ADGRV1: variants seen among roughly 807,000 people sequenced by gnomAD.
ADGRV1 encodes the protein G-protein coupled receptor 98.
In ADGRV1, 359 loss-of-function variants were observed where a neutral mutation model predicts 596.2. The observed-to-expected ratio is 0.60, with a 90% CI of 0.55 to 0.66. The LOEUF is 0.66. ADGRV1 is among the 30% of genes least tolerant of loss of function. ADGRV1 has a pLI of 0.00. For missense variants in ADGRV1, 7,274 were observed against 7,575.6 expected, an observed-to-expected ratio of 0.96 and a Z score of 1.48; for synonymous variants, 2,681 against 2,679.2, an observed-to-expected ratio of 1.00 and a Z score of -0.02.
chr5:90,899,361 C>T (rs1581454343), intron 83 of ADGRV1: 1 of 152,258 alleles, frequency 6.6e-6, no homozygotes, highest in Non-Finnish European at 1.5e-5. Flanking sequence ...TTCTGGCCTC[C>T]AGTCCACTTA....
At chr5:91,125,662 G>A (rs1793683989) in intron 87 of ADGRV1, among the ~76,000 whole-genome samples, 1 of 152,084 alleles carries the variant, frequency 6.6e-6, no homozygotes, top group African/African-American at 2.4e-5. Context: ...CTCAGTAAAG[G>A]GTAGCTTTAT....
chr5:90,819,901 G>A (rs1415673367), intron 75 of ADGRV1, among the ~76,000 whole-genome samples: 2 of 152,024 alleles, frequency 1.3e-5, no homozygotes, highest in Non-Finnish European at 2.9e-5. Flanking sequence ...TGTTGATTTG[G>A]GGTGGAGAGT....
At chr5:90,752,701 A>G (rs1255601954) in intron 53 of ADGRV1, among the ~76,000 whole-genome samples, 1 of 152,244 alleles carries the variant, frequency 6.6e-6, no homozygotes, top group African/African-American at 2.4e-5. Flanking sequence ...ATTACTGGGT[A>G]TATACTGAAA....
intron 84 of ADGRV1, among the ~76,000 whole-genome samples, chr5:90,973,822 A>G (rs190503516): frequency 7.7e-4 from 118 of 152,262 alleles, no homozygotes; most frequent in Non-Finnish European, 1.1e-3. Flanking sequence ...CACCACTCCT[A>G]TTCAACATAG....
chr5:90,861,465 A>G (rs932502185), intron 82 of ADGRV1, among the ~76,000 whole-genome samples: 3 of 152,016 alleles, frequency 2.0e-5, no homozygotes, highest in Admixed American at 1.3e-4. Context: ...GCGTGCCACC[A>G]TGCCCGGCTG....
At chr5:90,926,384 T>G (rs1297680017) in intron 83 of ADGRV1, among the ~76,000 whole-genome samples, 14 of 149,904 alleles carry the variant, frequency 9.3e-5, no homozygotes, top group Non-Finnish European at 1.9e-4. Context: ...TCGAGGAATT[T>G]ATCCATTTCT....
At chr5:90,591,817 TTAACA>T (rs1759542601) in intron 1 of ADGRV1, among the ~76,000 whole-genome samples, 1 of 152,242 alleles carries the variant, frequency 6.6e-6, no homozygotes, top group Non-Finnish European at 1.5e-5. Flanking sequence ...TATTGAATGG[TTAACA>T]TAACTTAGGC....
At chr5:91,129,169 G>T (rs978911785) in intron 87 of ADGRV1, among the ~76,000 whole-genome samples, 1 of 152,146 alleles carries the variant, frequency 6.6e-6, no homozygotes, top group South Asian at 2.1e-4. Flanking sequence ...AACAAATATG[G>T]TTAACATTTA....
chr5:90,626,362 A>G (rs1356541473), intron 6 of ADGRV1: 2 of 152,208 alleles, frequency 1.3e-5, no homozygotes, highest in Admixed American at 6.5e-5. Flanking sequence ...TGAACGGGCT[A>G]TAATTTGGGG....
Position 90,784,053 on chromosome 5 carries a change from T to C in ADGRV1, c.13649T>C (p.Ile4550Thr). The change falls in exon 67 of 90, where the codon ATT becomes ACT. Residue 4550 changes from isoleucine to threonine, a missense_variant. Physicochemically the swap from Ile to Thr is moderately conservative, Grantham distance 89 (BLOSUM62 -1). Around this residue, in one of 5 missense-constraint regions of ADGRV1, gnomAD observed 3,643 missense variants for 3,809.2 expected, o/e 0.96. Coordinates refer to ENST00000405460, the MANE Select transcript of ADGRV1 (RefSeq NM_032119.4). ...LERTGGLLGE[I>T]QVNWETVGPN... ...CGGACTGGAGGACTCTTGGGAGAGA[T>C]TCAGGTAGATTTATGTTCCCCATGA... is the stretch of plus-strand genomic sequence containing the variant. 6.2e-7 allele frequency: 1 copy of C among 1,600,994 alleles called. No individual in the cohort carries two copies. The highest frequency in any genetic ancestry group is 8.5e-7 in the Non-Finnish European group (1 of 1,170,608).
At chr5:90,812,603 GTATTT>G in intron 74 of ADGRV1, among the ~76,000 whole-genome samples, 1 of 152,136 alleles carries the variant, frequency 6.6e-6, no homozygotes, top group Middle Eastern at 3.4e-3. Flanking sequence ...CCTAGAGTTC[GTATTT>G]TATTTTAGCC....
At chr5:91,105,738 A>T (rs949011277) in intron 87 of ADGRV1, among the ~76,000 whole-genome samples, 1 of 152,126 alleles carries the variant, frequency 6.6e-6, no homozygotes, top group Non-Finnish European at 1.5e-5. Context: ...TAGTTTACAG[A>T]TATTTTCTCT....
Position 91,014,136 on chromosome 5 carries a change from C to CACACACACACACACACACA in ADGRV1, c.18152+28614_18152+28615insACACACACACACACACACA, listed in dbSNP as rs1782962720. On this transcript the variant is annotated intron_variant, in intron 85 of 89. Coordinates refer to ENST00000405460, the MANE Select transcript of ADGRV1 (RefSeq NM_032119.4). The stretch of plus-strand genomic sequence containing the variant: ...TCATAGGCAATCCCATTCACAATTG[C>CACACACACACACACACACA]CACACACACACACACACACACACAC... Among the ~76,000 whole-genome samples the CACACACACACACACACACA allele has an allele frequency of 9.1e-3, 325 of 35,688 alleles. 6 individuals are homozygous for CACACACACACACACACACA. The highest frequency in any genetic ancestry group is 0.027 in the African/African-American group (311 of 11,360). The allele number at this position is 35,688 out of a possible 152,430, so 23.4% of individuals were successfully genotyped here.
chr5:90,981,005 T>A (rs772098134), intron 84 of ADGRV1, among the ~76,000 whole-genome samples: 2 of 152,070 alleles, frequency 1.3e-5, no homozygotes, highest in African/African-American at 2.4e-5. Flanking sequence ...TTGAGACAGG[T>A]CTCAGTTAAT....
chr5:91,025,086 G>A (rs552202468), intron 85 of ADGRV1, among the ~76,000 whole-genome samples: 1 of 152,220 alleles, frequency 6.6e-6, no homozygotes, highest in East Asian at 1.9e-4. Flanking sequence ...AGACCACTCT[G>A]AATCCATCAT....
chr5:90,807,327 T>C (rs748009315), intron 72 of ADGRV1, among the ~76,000 whole-genome samples: 8 of 152,202 alleles, frequency 5.3e-5, no homozygotes, highest in Non-Finnish European at 8.8e-5. Flanking sequence ...ATATTAAAGC[T>C]TGCCTAACAC....
At chr5:91,013,560 T>C (rs1326553424) in intron 85 of ADGRV1, among the ~76,000 whole-genome samples, 1 of 152,132 alleles carries the variant, frequency 6.6e-6, no homozygotes, top group Non-Finnish European at 1.5e-5. Flanking sequence ...AGTGGGGTTG[T>C]TTGCTTTCCT....
intron 85 of ADGRV1, among the ~76,000 whole-genome samples, chr5:91,041,485 G>A (rs1036603577): frequency 1.3e-5 from 2 of 151,982 alleles, no homozygotes; most frequent in Non-Finnish European, 2.9e-5. Context: ...GGGGCCCATC[G>A]AGGGGTGGGG....
At chr5:91,020,175 G>C (rs1315422381) in intron 85 of ADGRV1, among the ~76,000 whole-genome samples, 2 of 151,978 alleles carry the variant, frequency 1.3e-5, no homozygotes, top group African/African-American at 2.4e-5. Context: ...TTCTGAGTAA[G>C]TCCCAGCAAT....
Sources: gnomAD v4.1 joint callset for allele counts (sites outside exome capture counted in the v4.1 genomes callset) on GRCh38, gnomAD v4.1.1 for gene constraint, gnomAD v4.1.1 regional missense constraint, MANE v1.5 for transcripts, NCBI Gene and HGNC (gene_info 2026-07-23, HGNC 2026-07-21) for gene names.